Variants in UBAP2L observed in about 807,000 individuals in gnomAD.
UBAP2L encodes ubiquitin associated protein 2 like, also known as ubiquitin-associated protein 2-like.
Under a neutral mutation model 130.6 loss-of-function variants are expected in UBAP2L, and 12 were observed. That is an observed-to-expected ratio of 0.09 (90% confidence interval 0.06 to 0.15). The LOEUF (loss-of-function observed/expected upper bound fraction) is 0.15, where lower values mean the gene tolerates loss of function less well. UBAP2L is among the 10% of genes least tolerant of loss of function. The probability of loss-of-function intolerance (pLI) is 1.00; values close to 1 mark genes in which losing one functional copy is unlikely to be tolerated. For synonymous variants in UBAP2L, 503 were observed against 524.7 expected, an observed-to-expected ratio of 0.96 and a Z score of 0.57; for missense variants, 965 against 1,332.5, an observed-to-expected ratio of 0.72 and a Z score of 4.29.
chr1:154,240,993 A>G (rs1442145426), intron 8 of UBAP2L, among the ~76,000 whole-genome samples: 1 of 136,858 alleles, frequency 7.3e-6, no homozygotes, highest in African/African-American at 2.7e-5. Context: ...CTATGAAATC[A>G]TAATCTTATT....
chr1:154,245,167 C>T (rs12738393), intron 10 of UBAP2L, among the ~76,000 whole-genome samples: 15,593 of 152,176 alleles, frequency 0.1, 1,332 homozygotes, highest in East Asian at 0.44. Flanking sequence ...TTCAAGTATC[C>T]GCCTGCTTTG....
chr1:154,259,223 T>C (rs1416714732), intron 21 of UBAP2L, among the ~76,000 whole-genome samples, 193 bp downstream of exon 21: 3 of 151,990 alleles, frequency 2.0e-5, no homozygotes, highest in Non-Finnish European at 4.4e-5. Context: ...ACAGAGTCTT[T>C]CTCTGTCGCT....
chr1:154,248,361 C>T (rs1221491554), intron 11 of UBAP2L, among the ~76,000 whole-genome samples: 1 of 151,996 alleles, frequency 6.6e-6, no homozygotes, highest in African/African-American at 2.4e-5. Flanking sequence ...GTTGGGATGC[C>T]CTTTAACTTT....
intron 8 of UBAP2L, among the ~76,000 whole-genome samples, chr1:154,239,813 A>G (rs2148703395): frequency 6.6e-6 from 1 of 152,360 alleles, no homozygotes; most frequent in South Asian, 2.1e-4. Flanking sequence ...ATGGATGTCA[A>G]TGAGAAGAAA....
Position 154,251,269 on chromosome 1 carries a change from C to T in UBAP2L, c.1442C>T (p.Ala481Val). 1 of 1,614,150 alleles carries T rather than the reference C, an allele frequency of 6.2e-7. No individual in the cohort carries two copies. Reference protein sequence around the residue: ...SDNQSSSPQPAQQKLKQQKKK... With the variant: ...SDNQSSSPQPVQQKLKQQKKK... The stretch of plus-strand genomic sequence containing the variant: ...AACCAGTCCTCTAGCCCTCAGCCGG[C>T]TCAGCAGAAACTGAAACAGCAGAAG... Residue 481 changes from alanine (A) to valine (V), a missense_variant, in exon 13 of 27, where the codon GCT (alanine) becomes GTT (valine). Physicochemically the swap from Ala to Val is moderately conservative, Grantham distance 64 (BLOSUM62 0). Transcript: ENST00000428931.
At position 154,251,157 on chromosome 1, in the gene UBAP2L, A is replaced by G. The variant is rs76680663; in HGVS notation, c.1330A>G (p.Thr444Ala). ...FLQEKSPAVATSTAAPPPPSS... is the reference protein window; with the variant it reads ...FLQEKSPAVAASTAAPPPPSS... The stretch of plus-strand genomic sequence containing the variant: ...TCAGGAGAAGTCACCTGCAGTGGCT[A>G]CCTCCACAGCTGCACCTCCACCTCC... Residue 444 changes from threonine (T) to alanine (A), a missense_variant, in exon 13 of 27, where the codon ACC (threonine) becomes GCC (alanine). Around this residue, in one of 9 missense-constraint regions of UBAP2L, gnomAD observed 74 missense variants for 97.1 expected, o/e 0.76. Coordinates refer to ENST00000428931, the MANE Select transcript of UBAP2L (RefSeq NM_014847.4). 9 of 1,614,044 alleles carry G rather than the reference A, an allele frequency of 5.6e-6. No individual in the cohort carries two copies. Among genetic ancestry groups the G allele is most frequent in the South Asian group, 3.3e-5 (3 of 91,076 alleles).
intron 20 of UBAP2L, chr1:154,257,883 G>A (rs1011748418): frequency 6.5e-6 from 1 of 154,398 alleles, no homozygotes; most frequent in Non-Finnish European, 1.4e-5. Flanking sequence ...TATCTGCCCT[G>A]TTTGAAACAC....
chr1:154,249,159 C>T (rs1676666000), intron 11 of UBAP2L, 80 bp from the exon 12 acceptor site: 7 of 1,388,820 alleles, frequency 5.0e-6, no homozygotes, highest in East Asian at 2.3e-5. Flanking sequence ...TACTGGCTCT[C>T]GGTCTGGATA....
rs1250897946 is a variant in UBAP2L at position 154,251,073 on chromosome 1, A to C, written c.1246A>C (p.Ser416Arg). The change falls in exon 13 of 27, where the codon AGC (serine) becomes CGC (arginine). Residue 416 changes from serine to arginine, a missense_variant. By Grantham distance (110) the Ser-to-Arg change is moderately radical (BLOSUM62 -1). Transcript: ENST00000428931. ...GAACCCAAGTGATTCAGCAGTGCAC[A>C]GCCCCTTTACAAAGCGCCAGGCTTT... ...LKNPSDSAVH[S>R]PFTKRQAFTP... is the part of the protein sequence containing the mutation. 6.2e-6 allele frequency: 10 copies of C among 1,613,880 alleles called. No homozygotes were observed. The highest frequency in any genetic ancestry group is 8.5e-6 in the Non-Finnish European group (10 of 1,179,936).
intron 8 of UBAP2L, among the ~76,000 whole-genome samples, chr1:154,241,077 T>C (rs1486170172): frequency 6.6e-6 from 1 of 151,954 alleles, no homozygotes; most frequent in Non-Finnish European, 1.5e-5. Context: ...ATTTCTTTTT[T>C]TTTGTTTTGT....
intron 4 of UBAP2L, among the ~76,000 whole-genome samples, chr1:154,234,256 G>A (rs1168888450): frequency 6.6e-6 from 1 of 152,094 alleles, no homozygotes; most frequent in Non-Finnish European, 1.5e-5. Context: ...CCAGCTACTT[G>A]AGAGACTGAG....
At chr1:154,245,474 C>G (rs961906534) in intron 10 of UBAP2L, among the ~76,000 whole-genome samples, 1 of 152,132 alleles carries the variant, frequency 6.6e-6, no homozygotes, top group Non-Finnish European at 1.5e-5. Flanking sequence ...CTCAGACTGC[C>G]CCTGTTCTAA....
chr1:154,262,784 T>A, intron 24 of UBAP2L, among the ~76,000 whole-genome samples: 1 of 152,146 alleles, frequency 6.6e-6, no homozygotes. Flanking sequence ...CATAGACTCC[T>A]TGTGGCCACC....
chr1:154,227,384 A>T, intron 3 of UBAP2L, 25 bp downstream of exon 3: 1 of 1,588,866 alleles, frequency 6.3e-7, no homozygotes. Flanking sequence ...AATTTACTGT[A>T]CACTATGAGA....
intron 1 of UBAP2L, 60 bp downstream of exon 1, chr1:154,221,035 G>A: frequency 4.9e-6 from 1 of 205,672 alleles, no homozygotes; most frequent in South Asian, 5.5e-5. Context: ...AGCGCGGCGG[G>A]GCCGGGTATT....
rs547450340 is a variant in UBAP2L at position 154,234,127 on chromosome 1, G to A, written c.280-464G>A. On this transcript the variant is annotated intron_variant, in intron 4 of 26. Coordinates refer to ENST00000428931, the MANE Select transcript of UBAP2L (RefSeq NM_014847.4). ...TGTAATCCCAGCACTTTAAGAGGCC[G>A]AGGTGGGTGGACCACCTGTGGTCAG... 9.2e-5 allele frequency among the ~76,000 whole-genome samples: 14 copies of A among 152,210 alleles called. No homozygotes were observed. The South Asian group carries it at 2.3e-3, about 25-fold the overall frequency.
chr1:154,246,014 G>T (rs530536008), intron 10 of UBAP2L, among the ~76,000 whole-genome samples, 190 bp from the exon 11 acceptor site: 1 of 152,286 alleles, frequency 6.6e-6, no homozygotes, highest in East Asian at 1.9e-4. Context: ...GTGGAATTCA[G>T]CTATATACTG....
rs1403799616 is a variant in UBAP2L at position 154,246,345 on chromosome 1, T to C, written c.984T>C (p.Ala328=). Residue 328 remains alanine (A), a synonymous_variant, in exon 11 of 27, where the codon GCT becomes GCC. Coordinates refer to ENST00000428931, the MANE Select transcript of UBAP2L (RefSeq NM_014847.4). ...NSKQTAISQP[A]SGNTFSHHSM... is the part of the protein sequence containing the mutation. ...AGCAGACTGCCATATCACAGCCTGC[T>C]TCAGGGAACACATTTTCTCATCACA... 1 of 1,613,310 alleles carries C rather than the reference T, an allele frequency of 6.2e-7. No homozygotes were observed. Among genetic ancestry groups the C allele is most frequent in the East Asian group, 2.2e-5 (1 of 44,878 alleles).
chr1:154,231,596 C>T (rs878868908), intron 4 of UBAP2L, among the ~76,000 whole-genome samples: 8 of 152,160 alleles, frequency 5.3e-5, no homozygotes, highest in South Asian at 2.1e-4. Context: ...CCACCATCCC[C>T]GGCCCTGTTT....
Sources: allele counts gnomAD v4.1 joint callset (sites outside exome capture counted in the v4.1 genomes callset), GRCh38; gene constraint gnomAD v4.1.1; regional missense constraint gnomAD v4.1.1; transcripts MANE v1.5; gene names NCBI Gene and HGNC (gene_info 2026-07-23, HGNC 2026-07-21).